Variants in MUC22 observed in about 807,000 individuals in gnomAD.
MUC22 encodes mucin 22, also known as mucin-22.
Under a neutral mutation model 40.3 loss-of-function variants are expected in MUC22, and 24 were observed. The ratio of observed to expected loss-of-function variants is 0.60; its 90% confidence interval spans 0.43 to 0.84. The LOEUF (loss-of-function observed/expected upper bound fraction) is 0.84. Ranked by LOEUF, MUC22 falls within the 40% of genes least tolerant of loss-of-function variation. The probability of loss-of-function intolerance (pLI) is 0.00; values close to 1 mark genes in which losing one functional copy is unlikely to be tolerated. For synonymous variants in MUC22, 765 were observed against 844.5 expected, an observed-to-expected ratio of 0.91 and a Z score of 1.63; for missense variants, 1,926 against 2,130.7, an observed-to-expected ratio of 0.90 and a Z score of 1.89.
chr6:31,032,508 G>C lies in MUC22; in HGVS notation c.4982G>C (p.Trp1661Ser). Residue 1661 changes from tryptophan (W) to serine (S), a missense_variant, in exon 3 of 4, where the codon TGG (tryptophan) becomes TCG (serine). Trp to Ser is a radical substitution (Grantham distance 177, BLOSUM62 -3). Around this residue, in one of 3 missense-constraint regions of MUC22, gnomAD observed 610 missense variants for 714.6 expected, o/e 0.85. Transcript: ENST00000561890. This position sits in a 1 kb window ranked among gnomAD's most constrained non-coding sequence, Gnocchi z 4.1. The stretch of plus-strand genomic sequence containing the variant: ...AAACCAAGTGGATATTTACAGCCCT[G>C]GGCTATCATCCTCATTTCCCTGGCT... The C allele has an allele frequency of 6.5e-7, 1 of 1,535,678 alleles. No individual in the cohort carries two copies. The highest frequency in any genetic ancestry group is 8.7e-7 in the Non-Finnish European group (1 of 1,146,892).
rs57137165 is a variant in MUC22, at chr6:31,017,392, G to A, written c.70+6616G>A. On this transcript the variant is annotated intron_variant, in intron 1 of 3. Transcript: ENST00000561890. ...GCACCCTGTGTCTAGCTAATCTGGT[G>A]GGGACTCGGAGAATCTTTATGTCTA... is the stretch of plus-strand genomic sequence containing the variant. Among the ~76,000 whole-genome samples, 112 of 152,292 alleles carry A rather than the reference G, an allele frequency of 7.4e-4. 1 individual carries two copies. Among genetic ancestry groups the A allele is most frequent in the African/African-American group, 2.7e-3 (111 of 41,550 alleles).
At chr6:31,025,904 C>A in exon 2 of MUC22, 1 of 1,535,454 alleles carries the variant, frequency 6.5e-7, no homozygotes, top group Non-Finnish European at 8.7e-7. Context: ...TCCAGCACAA[C>A]CTCCACTGCA....
At chr6:31,008,919 G>C (rs117712789), upstream of MUC22, among the ~76,000 whole-genome samples, 1 of 152,018 alleles carries the variant, frequency 6.6e-6, no homozygotes, top group Non-Finnish European at 1.5e-5. Flanking sequence ...TGTTTTCAGC[G>C]TGTACAATGT....
intron 1 of MUC22, among the ~76,000 whole-genome samples, chr6:31,015,173 C>T (rs373329065): frequency 1.3e-5 from 2 of 152,000 alleles, no homozygotes; most frequent in African/African-American, 4.8e-5. Flanking sequence ...AGTATATGGG[C>T]CAGATAGAGG....
exon 2 of MUC22, chr6:31,029,779 A>G: frequency 6.5e-7 from 1 of 1,534,352 alleles, no homozygotes; most frequent in Non-Finnish European, 8.7e-7. Flanking sequence ...CACAGCCTCC[A>G]CTGCAGGCTC....
chr6:31,020,441 C>T (rs1240168411), intron 1 of MUC22, among the ~76,000 whole-genome samples: 27 of 126,700 alleles, frequency 2.1e-4, no homozygotes, highest in East Asian at 1.2e-3. Context: ...TGGAAATTGA[C>T]TTTTTTTTTT....
chr6:31,024,464 A>G (rs991143353), intron 1 of MUC22, among the ~76,000 whole-genome samples: 2 of 151,808 alleles, frequency 1.3e-5, no homozygotes, highest in Non-Finnish European at 1.5e-5. Flanking sequence ...TTTTTTCAAA[A>G]TAAAAACAAA....
At chr6:31,007,006 A>T (rs1399855649), upstream of MUC22, among the ~76,000 whole-genome samples, 6 of 152,156 alleles carry the variant, frequency 3.9e-5, no homozygotes, top group African/African-American at 9.7e-5. This position sits in a 1 kb window ranked among gnomAD's most constrained non-coding sequence, Gnocchi z 4.0. Context: ...AATAAAATTT[A>T]AAAAAAGGAT....
At chr6:31,026,925 C>G (rs545984984) in exon 2 of MUC22, 1 of 1,503,878 alleles carries the variant, frequency 6.6e-7, no homozygotes, top group African/African-American at 1.4e-5. Context: ...AGACCACAGT[C>G]TCCACTGCAG....
chr6:31,012,594 C>T (rs1763929842), intron 1 of MUC22, among the ~76,000 whole-genome samples: 1 of 152,216 alleles, frequency 6.6e-6, no homozygotes, highest in Non-Finnish European at 1.5e-5. Flanking sequence ...GGTCTTGACC[C>T]CCATGGAACA....
chr6:31,026,609 GCT>G lies in MUC22; in HGVS notation c.1181_1182del (p.Ser394Ter). 6.6e-7 allele frequency: 1 copy of G among 1,506,602 alleles called. No individual in the cohort carries two copies. Among genetic ancestry groups the G allele is most frequent in the South Asian group, 1.2e-5 (1 of 81,830 alleles). The allele number at this position is 1,506,602 out of a possible 1,614,324, so 93.3% of individuals were successfully genotyped here. A position where few individuals can be genotyped will look rare whatever the true frequency, so the allele number is the denominator to read the frequency against. The stretch of plus-strand genomic sequence containing the variant: ...GAGACCACCGTCACCTCTACTGCAG[GCT>G]CTGAGACCACCACAGTCTCCACCGT... On this transcript the variant is annotated frameshift_variant, in exon 2 of 4. Coordinates refer to ENST00000561890, the Ensembl canonical transcript of MUC22. LOFTEE classifies it high-confidence loss of function.
At chr6:31,010,883 G>T in intron 1 of MUC22, 107 bp downstream of exon 1, 5 of 575,102 alleles carry the variant, frequency 8.7e-6, no homozygotes, top group Non-Finnish European at 1.2e-5. Flanking sequence ...CAGAAACAAT[G>T]ATGATTCATT....
chr6:31,015,329 A>G (rs563762002), intron 1 of MUC22, among the ~76,000 whole-genome samples: 1 of 152,310 alleles, frequency 6.6e-6, no homozygotes, highest in East Asian at 1.9e-4. Flanking sequence ...ATGATAATAT[A>G]CAGAAATTAA....
intron 1 of MUC22, among the ~76,000 whole-genome samples, chr6:31,020,242 G>A (rs902114522): frequency 6.8e-6 from 1 of 147,584 alleles, no homozygotes; most frequent in African/African-American, 2.5e-5. Flanking sequence ...ATAGAGAGGA[G>A]CAAAGACAAG....
upstream of MUC22, among the ~76,000 whole-genome samples, chr6:31,010,039 G>A (rs1014563425): frequency 2.8e-4 from 43 of 152,304 alleles, no homozygotes; most frequent in African/African-American, 1.0e-3. Context: ...AAAGCCGGGC[G>A]TGTGTCCTGA....
upstream of MUC22, among the ~76,000 whole-genome samples, chr6:31,008,338 G>A (rs2150734403): frequency 6.6e-6 from 1 of 152,142 alleles, no homozygotes; most frequent in East Asian, 1.9e-4. Flanking sequence ...CAGATGGAAC[G>A]AGAGGGAGCT....
chr6:31,034,708 T>C, exon 4 of MUC22: 1 of 1,535,682 alleles, frequency 6.5e-7, no homozygotes, highest in South Asian at 1.2e-5. Flanking sequence ...TTGTGGTATT[T>C]ATTACCCCCA....
rs1043743410 is a variant in MUC22, at chr6:31,027,832, A to T, written c.2401A>T (p.Thr801Ser). ...CTCTGAGACCACTACAGTTTCCACC[A>T]CAGGCTTGGAGACCACCACCACTTC... The change falls in exon 2 of 4, where the codon ACA becomes TCA. Residue 801 changes from threonine to serine, a missense_variant. Thr to Ser is a moderately conservative substitution (Grantham distance 58). Coordinates refer to ENST00000561890, the Ensembl canonical transcript of MUC22. 2.6e-6 allele frequency: 4 copies of T among 1,534,180 alleles called. No individual in the cohort carries two copies. The African/African-American group carries it at 4.1e-5, about 16-fold the overall frequency.
intron 1 of MUC22, among the ~76,000 whole-genome samples, chr6:31,016,757 G>A (rs796149240): frequency 7.2e-5 from 11 of 152,350 alleles, no homozygotes; most frequent in East Asian, 1.9e-4. Context: ...GGCCGAGGCC[G>A]GAGCCAGCTC....
Sources: allele counts gnomAD v4.1 joint callset (sites outside exome capture counted in the v4.1 genomes callset), GRCh38; gene constraint gnomAD v4.1.1; regional missense constraint gnomAD v4.1.1; non-coding constraint Gnocchi (gnomAD v3.1); transcripts MANE v1.5; gene names NCBI Gene and HGNC (gene_info 2026-07-23, HGNC 2026-07-21).